The following ANXA8 variants were observed in gnomAD, a reference collection of about 807,000 sequenced individuals.
ANXA8 encodes annexin A8.
Under a neutral mutation model 26.8 loss-of-function variants are expected in ANXA8, and 9 were observed. That is an observed-to-expected ratio of 0.34 (90% CI 0.20 to 0.59). ANXA8 has a LOEUF of 0.59. Ranked by LOEUF, ANXA8 falls within the 20% of genes least tolerant of loss-of-function variation. ANXA8 has a pLI of 0.84. For synonymous variants in ANXA8, 39 were observed against 94.8 expected (o/e 0.41, Z 3.42); for missense variants, 83 against 238.5 (o/e 0.35, Z 4.29).
the ANXA8 span, among the ~76,000 whole-genome samples, chr10:47,958,202 G>T: frequency 6.7e-6 from 1 of 150,106 alleles, no homozygotes; most frequent in Admixed American, 6.6e-5. Flanking sequence ...TCTCCAGCTC[G>T]GCGTGGTGGT....
At chr10:47,568,113 C>T in the ANXA8 span, 1 of 276,282 alleles carries the variant, frequency 3.6e-6, no homozygotes, top group Non-Finnish European at 6.9e-6. Flanking sequence ...CGGCTCACTG[C>T]AACCTCCGCC....
At chr10:47,609,172 G>C in the ANXA8 span, among the ~76,000 whole-genome samples, 1 of 144,682 alleles carries the variant, frequency 6.9e-6, no homozygotes, top group Non-Finnish European at 1.5e-5. Flanking sequence ...TTATTTCAAA[G>C]AATGCAAAAC....
the ANXA8 span, among the ~76,000 whole-genome samples, chr10:47,548,981 A>C: frequency 8.0e-4 from 122 of 152,260 alleles, no homozygotes; most frequent in African/African-American, 2.8e-3. Flanking sequence ...AATGGTACTT[A>C]CTATGATATA....
At chr10:47,653,459 G>A in the ANXA8 span, among the ~76,000 whole-genome samples, 1 of 151,734 alleles carries the variant, frequency 6.6e-6, no homozygotes, top group Non-Finnish European at 1.5e-5. Context: ...GCGAGGAAAA[G>A]TAAGTAGTCA....
At chr10:47,777,945 C>A in the ANXA8 span, among the ~76,000 whole-genome samples, 540 of 151,558 alleles carry the variant, frequency 3.6e-3, no homozygotes, top group African/African-American at 0.012. Flanking sequence ...TTGCAGCCCA[C>A]TTTTTGCAGG....
chr10:47,958,167 A>T, the ANXA8 span, among the ~76,000 whole-genome samples: 1 of 150,244 alleles, frequency 6.7e-6, no homozygotes, highest in Non-Finnish European at 1.5e-5. Context: ...GGCCTCTGAA[A>T]CCTAAGGACA....
chr10:47,560,566 A>AG, the ANXA8 span, among the ~76,000 whole-genome samples: 3 of 151,902 alleles, frequency 2.0e-5, no homozygotes, highest in South Asian at 6.2e-4. Context: ...CAGTGGTAAC[A>AG]GTTGAGATTT....
At chr10:47,488,713 ATTT>A (rs1160121365), upstream of ANXA8, among the ~76,000 whole-genome samples, 446 of 61,380 alleles carry the variant, frequency 7.3e-3, no homozygotes, top group African/African-American at 0.017. Context: ...TACATGTTAA[ATTT>A]TTTTTTTTTT....
At chr10:47,581,792 A>G in the ANXA8 span, among the ~76,000 whole-genome samples, 1 of 150,400 alleles carries the variant, frequency 6.6e-6, no homozygotes, top group South Asian at 2.1e-4. Context: ...TTTTTAGTAG[A>G]GACGGGGTTT....
the ANXA8 span, among the ~76,000 whole-genome samples, chr10:47,898,990 T>C: frequency 6.7e-6 from 1 of 149,506 alleles, no homozygotes; most frequent in Admixed American, 6.6e-5. Context: ...TGAACCACAA[T>C]GATCAGCTAA....
At chr10:47,559,213 G>A in the ANXA8 span, among the ~76,000 whole-genome samples, 1 of 135,060 alleles carries the variant, frequency 7.4e-6, no homozygotes, top group South Asian at 2.3e-4. Context: ...ATGCAGTAGT[G>A]CAATCTCAGC....
At chr10:47,733,173 CTTTCTT>C in the ANXA8 span, among the ~76,000 whole-genome samples, 3 of 100,588 alleles carry the variant, frequency 3.0e-5, no homozygotes, top group African/African-American at 9.2e-5. Context: ...TTCTTTCTTT[CTTTCTT>C]TCTTTCTTTC....
the ANXA8 span, among the ~76,000 whole-genome samples, chr10:47,763,896 A>T: frequency 0.023 from 3,427 of 150,624 alleles, 4 homozygotes; most frequent in Non-Finnish European, 0.035. Flanking sequence ...TGGGTCCCAC[A>T]CCCCCGCGTC....
chr10:47,684,117 C>A, the ANXA8 span, among the ~76,000 whole-genome samples: 1 of 151,794 alleles, frequency 6.6e-6, no homozygotes, highest in Non-Finnish European at 1.5e-5. Context: ...TTATTAACTG[C>A]GGTAATGGAG....
chr10:47,589,903 T>TAGATAGATA, the ANXA8 span, among the ~76,000 whole-genome samples: 2 of 125,712 alleles, frequency 1.6e-5, no homozygotes, highest in African/African-American at 8.0e-5. Context: ...GATAGATAGA[T>TAGATAGATA]GATAGATAGA....
At chr10:47,715,455 AAAT>A in the ANXA8 span, among the ~76,000 whole-genome samples, 6 of 113,508 alleles carry the variant, frequency 5.3e-5, no homozygotes, top group African/African-American at 1.8e-4. Flanking sequence ...TGGAAAAAAA[AAAT>A]AATAATAATA....
chr10:47,589,692 C>A, the ANXA8 span, among the ~76,000 whole-genome samples: 1 of 145,036 alleles, frequency 6.9e-6, no homozygotes, highest in Non-Finnish European at 1.5e-5. Context: ...CTCTCTACAC[C>A]TCATTGTTTA....
At chr10:47,628,503 A>C in the ANXA8 span, among the ~76,000 whole-genome samples, 1 of 151,140 alleles carries the variant, frequency 6.6e-6, no homozygotes, top group Non-Finnish European at 1.5e-5. Context: ...AATCAACATT[A>C]GTATTGACAA....
At chr10:47,733,207 TTCTTTCTTTCTTTC>T in the ANXA8 span, among the ~76,000 whole-genome samples, 3 of 89,988 alleles carry the variant, frequency 3.3e-5, no homozygotes, top group African/African-American at 4.0e-5. Context: ...CTTTCTTTCT[TTCTTTCTTTCTTTC>T]TCTTTCTTTC....
Sources: allele counts gnomAD v4.1 joint callset (sites outside exome capture counted in the v4.1 genomes callset), GRCh38; gene constraint gnomAD v4.1.1; transcripts MANE v1.5; gene names NCBI Gene and HGNC (gene_info 2026-07-23, HGNC 2026-07-21).